The following GRK3 variants were observed in gnomAD, a reference collection of about 807,000 sequenced individuals.
GRK3 encodes the protein G protein-coupled receptor kinase 3, also known as adrenergic, beta, receptor kinase 2.
GRK3 carries 54 observed loss-of-function variants against 95.7 expected under a neutral mutation model. The observed-to-expected ratio is 0.56, with a 90% CI of 0.45 to 0.71. The LOEUF is 0.71. Ranked by LOEUF, GRK3 falls within the 30% of genes least tolerant of loss-of-function variation. The pLI is 0.00. For synonymous variants in GRK3, 281 were observed against 290.8 expected, an observed-to-expected ratio of 0.97 and a Z score of 0.34; for missense variants, 649 against 851.2, an observed-to-expected ratio of 0.76 and a Z score of 2.96.
intron 3 of GRK3, among the ~76,000 whole-genome samples, chr22:25,649,599 C>T (rs1399882762): frequency 6.6e-6 from 1 of 152,126 alleles, no homozygotes; most frequent in Admixed American, 6.5e-5. Context: ...ATAGATAAAA[C>T]TTGAGTGATA....
At chr22:25,600,019 C>A (rs2084398229) in intron 1 of GRK3, among the ~76,000 whole-genome samples, 1 of 152,100 alleles carries the variant, frequency 6.6e-6, no homozygotes, top group Admixed American at 6.6e-5. Context: ...ATCTACCTAA[C>A]AGAAGTATGC....
intron 19 of GRK3, among the ~76,000 whole-genome samples, chr22:25,719,489 T>C (rs894898507): frequency 6.6e-6 from 1 of 152,180 alleles, no homozygotes; most frequent in Admixed American, 6.5e-5. Context: ...TGTAGGTGGA[T>C]CATACAACAG....
At chr22:25,624,022 C>T (rs146304019) in intron 2 of GRK3, among the ~76,000 whole-genome samples, 20 of 152,334 alleles carry the variant, frequency 1.3e-4, no homozygotes, top group Admixed American at 1.2e-3. Context: ...AGTCTGGTCA[C>T]GGTGTGATTG....
chr22:25,605,127 C>T lies in GRK3; in HGVS notation c.190+674C>T, dbSNP rs142429308. ...TTTGTAAACCACTTTATCTGTTTTA[C>T]GAAAATTAGCCTGTCTGTGAAGAGG... On this transcript the variant is annotated intron_variant, in intron 2 of 20. Coordinates refer to ENST00000324198, the MANE Select transcript of GRK3 (RefSeq NM_005160.4). Among the ~76,000 whole-genome samples, 40 of 152,270 alleles carry T rather than the reference C, an allele frequency of 2.6e-4. No homozygotes were observed. In the East Asian group the frequency reaches 3.3e-3, roughly 12 times the overall value.
intron 10 of GRK3, among the ~76,000 whole-genome samples, chr22:25,685,537 G>C (rs1342195928): frequency 6.6e-6 from 1 of 152,198 alleles, no homozygotes; most frequent in African/African-American, 2.4e-5. Flanking sequence ...AGCTGGCCTA[G>C]ATCTTTAATT....
intron 13 of GRK3, among the ~76,000 whole-genome samples, chr22:25,696,253 T>C (rs922559023): frequency 1.3e-5 from 2 of 152,204 alleles, no homozygotes; most frequent in Non-Finnish European, 2.9e-5. Flanking sequence ...GTGCTGGGAT[T>C]AAACGCCTAA....
At chr22:25,691,824 G>A (rs1001728453) in intron 12 of GRK3, among the ~76,000 whole-genome samples, 2 of 152,084 alleles carry the variant, frequency 1.3e-5, no homozygotes, top group African/African-American at 4.8e-5. Context: ...TCTGAACGGT[G>A]GGCTGTTCTT....
intron 17 of GRK3, 146 bp downstream of exon 17, chr22:25,711,309 A>G (rs1221933409): frequency 2.0e-6 from 1 of 492,884 alleles, no homozygotes; most frequent in Non-Finnish European, 3.5e-6. Flanking sequence ...AGAATGTGTA[A>G]GTTAAGGATC....
chr22:25,565,001 T>G lies in GRK3; in HGVS notation c.-40T>G. ...GCGGCGGGCGCGCGTCCCGTCCAGGTCCGGAGTAACCGCCGCCGCCGCCGC... is the reference window on the plus strand; with the variant it reads ...GCGGCGGGCGCGCGTCCCGTCCAGGGCCGGAGTAACCGCCGCCGCCGCCGC... On this transcript the variant is annotated 5_prime_UTR_variant, in exon 1 of 21. Coordinates refer to ENST00000324198, the MANE Select transcript of GRK3 (RefSeq NM_005160.4). 9.0e-6 allele frequency: 8 copies of G among 888,206 alleles called. No individual in the cohort carries two copies. The highest frequency in any genetic ancestry group is 1.1e-5 in the Non-Finnish European group (7 of 633,320). The allele number at this position is 888,206 out of a possible 1,614,324, so 55.0% of individuals were successfully genotyped here.
chr22:25,651,867 C>T (rs191047368), intron 3 of GRK3, among the ~76,000 whole-genome samples: 6 of 152,220 alleles, frequency 3.9e-5, no homozygotes, highest in Admixed American at 1.3e-4. Flanking sequence ...AACAGCTTTT[C>T]GTCTTCAGTG....
chr22:25,702,768 A>G (rs981663864), intron 13 of GRK3: 7 of 455,752 alleles, frequency 1.5e-5, no homozygotes, highest in African/African-American at 1.4e-4. Flanking sequence ...TGTCTTGGCT[A>G]CTTGCATAGA....
chr22:25,633,306 T>G (rs895958487), intron 2 of GRK3, among the ~76,000 whole-genome samples: 5 of 152,154 alleles, frequency 3.3e-5, no homozygotes, highest in Admixed American at 1.3e-4. Context: ...TAATATAAAT[T>G]TTAGAATCCA....
intron 2 of GRK3, among the ~76,000 whole-genome samples, chr22:25,636,166 A>G (rs2084699713): frequency 6.6e-6 from 1 of 152,160 alleles, no homozygotes; most frequent in Non-Finnish European, 1.5e-5. Flanking sequence ...TTGCCCTAGA[A>G]TCAATCAGCC....
At chr22:25,694,208 G>A (rs56063674) in intron 12 of GRK3, among the ~76,000 whole-genome samples, 22,413 of 152,194 alleles carry the variant, frequency 0.15, 4,585 homozygotes, top group African/African-American at 0.47. Flanking sequence ...GAGAGGTAGA[G>A]ATGTCATCTG....
At chr22:25,712,246 T>G (rs887960141) in intron 17 of GRK3, among the ~76,000 whole-genome samples, 1 of 152,140 alleles carries the variant, frequency 6.6e-6, no homozygotes, top group African/African-American at 2.4e-5. Flanking sequence ...CACAGGGCTG[T>G]GAGGATTGCT....
intron 2 of GRK3, among the ~76,000 whole-genome samples, chr22:25,613,130 A>AAAGTTGAGGTTAAATT (rs2084511319): frequency 6.6e-6 from 1 of 151,520 alleles, no homozygotes; most frequent in Admixed American, 6.6e-5. Flanking sequence ...TTTGGATTCA[A>AAAGTTGAGGTTAAATT]AAGTTGAGGT....
chr22:25,604,871 C>T (rs1366573549), intron 2 of GRK3, among the ~76,000 whole-genome samples: 1 of 146,480 alleles, frequency 6.8e-6, no homozygotes, highest in Non-Finnish European at 1.5e-5. Flanking sequence ...AATTTGTGCT[C>T]TGTTTCCATG....
chr22:25,663,380 T>C (rs1003032529), intron 4 of GRK3, among the ~76,000 whole-genome samples: 3 of 152,158 alleles, frequency 2.0e-5, no homozygotes, highest in African/African-American at 7.2e-5. Flanking sequence ...CCTTCTGGAA[T>C]TGCATAATGT....
chr22:25,662,110 T>C (rs2084913240), intron 4 of GRK3, among the ~76,000 whole-genome samples: 1 of 152,226 alleles, frequency 6.6e-6, no homozygotes, highest in Admixed American at 6.5e-5. Flanking sequence ...TGTCCATTAA[T>C]AGTTCAATAG....
Sources: allele counts gnomAD v4.1 joint callset (sites outside exome capture counted in the v4.1 genomes callset), GRCh38; gene constraint gnomAD v4.1.1; transcripts MANE v1.5; gene names NCBI Gene and HGNC (gene_info 2026-07-23, HGNC 2026-07-21).